Variants in KCNK12 observed in about 807,000 individuals in gnomAD.
KCNK12 encodes potassium two pore domain channel subfamily K member 12.
A neutral mutation model predicts 25.3 loss-of-function variants in KCNK12; 6 were observed. The observed-to-expected ratio is 0.24, with a 90% CI of 0.13 to 0.47. The LOEUF is 0.47. Ranked by LOEUF, KCNK12 falls within the 20% of genes least tolerant of loss-of-function variation. The pLI, the probability that KCNK12 is intolerant of heterozygous loss-of-function variation, is 0.99. For missense variants in KCNK12, 444 were observed against 661.7 expected (o/e 0.67, Z 3.61); for synonymous variants, 331 against 311.1 (o/e 1.06, Z -0.67).
chr2:47,569,922 CG>C lies in KCNK12; in HGVS notation c.391+18del. The C allele has an allele frequency of 1.5e-6, 2 of 1,352,496 alleles. No individual in the cohort carries two copies. Among genetic ancestry groups the C allele is most frequent in the Non-Finnish European group, 1.9e-6 (2 of 1,045,668 alleles). The allele number at this position is 1,352,496 out of a possible 1,614,324, so 83.8% of individuals were successfully genotyped here. On this transcript the variant is annotated intron_variant, in intron 1 of 1. Coordinates refer to ENST00000327876, the MANE Select transcript of KCNK12 (RefSeq NM_022055.2). The surrounding 1 kb of genome is among the most constrained non-coding windows in gnomAD (Gnocchi z 4.1). ...GAAAGGCACAGAGAGGAAAGATGCG[CG>C]GGGGACGCGCCGCTCACCTATGGTT...
At position 47,520,614 on chromosome 2, in the gene KCNK12, T is replaced by G. The variant is rs530697649; in HGVS notation, c.*293A>C. 2.0e-4 allele frequency: 61 copies of G among 310,036 alleles called. No individual in the cohort carries two copies. The highest frequency in any genetic ancestry group is 1.3e-3 in the African/African-American group (59 of 46,732). The allele number at this position is 310,036 out of a possible 1,614,324, so 19.2% of individuals were successfully genotyped here. A position where few individuals can be genotyped will look rare whatever the true frequency, so the allele number is the denominator to read the frequency against. On this transcript the variant is annotated 3_prime_UTR_variant, in exon 2 of 2. Transcript: ENST00000327876. This position sits in a 1 kb window ranked among gnomAD's most constrained non-coding sequence, Gnocchi z 5.0. ...TTAGTGCCAGTCTGCAAAACCCTCC[T>G]CGCTGCGGTATGCCCTGGGTGTGGG... is the stretch of plus-strand genomic sequence containing the variant.
chr2:47,558,201 C>T (rs893872772), intron 1 of KCNK12, among the ~76,000 whole-genome samples: 4 of 152,354 alleles, frequency 2.6e-5, no homozygotes, highest in African/African-American at 4.8e-5. Flanking sequence ...GAGGAGATAG[C>T]GTTCTCATCT....
intron 1 of KCNK12, among the ~76,000 whole-genome samples, chr2:47,550,319 TAAC>T (rs1272739241): frequency 4.0e-5 from 6 of 149,968 alleles, no homozygotes; most frequent in African/African-American, 1.5e-4. Flanking sequence ...AGAGAAATCT[TAAC>T]AGCAGCCAAA....
rs927483039 is a variant in KCNK12, at chr2:47,528,319, T to G, written c.392-6511A>C. On this transcript the variant is annotated intron_variant, in intron 1 of 1. Transcript: ENST00000327876. This position sits in a 1 kb window ranked among gnomAD's most constrained non-coding sequence, Gnocchi z 4.5. ...CCTACAGAGCACACTCAGCTCATCC[T>G]GGGAGACAAGGTGGGGGTGGAGGAT... 1 of 152,498 alleles carries G rather than the reference T, an allele frequency of 6.6e-6. No individual in the cohort carries two copies. Among genetic ancestry groups the G allele is most frequent in the African/African-American group, 2.4e-5 (1 of 41,476 alleles). The allele number at this position is 152,498 out of a possible 1,614,324, so 9.4% of individuals were successfully genotyped here. A position where few individuals can be genotyped will look rare whatever the true frequency, so the allele number is the denominator to read the frequency against.
rs1380108980 is a variant in KCNK12 at position 47,516,656 on chromosome 2, ATGTAT to A, written c.*4246_*4250del. 6.6e-6 allele frequency: 1 copy of A among 152,182 alleles called. No individual in the cohort carries two copies. The highest frequency in any genetic ancestry group is 1.5e-5 in the Non-Finnish European group (1 of 68,068). 9.4% of individuals were successfully genotyped at this position (152,182 alleles called of 1,614,324 possible). On this transcript the variant is annotated 3_prime_UTR_variant, in exon 2 of 2. Coordinates refer to ENST00000327876, the MANE Select transcript of KCNK12 (RefSeq NM_022055.2). ...CTTGGAATGCTGCTCAGAAAAATAGATGTATTGTTTGAGAAACCCTGCAGGCTTGT... is the reference window on the plus strand; with the variant it reads ...CTTGGAATGCTGCTCAGAAAAATAGATGTTTGAGAAACCCTGCAGGCTTGT...
Position 47,533,306 on chromosome 2 carries a change from C to T in KCNK12, c.392-11498G>A, listed in dbSNP as rs370045557. On this transcript the variant is annotated intron_variant, in intron 1 of 1. Coordinates refer to ENST00000327876, the MANE Select transcript of KCNK12 (RefSeq NM_022055.2). The surrounding 1 kb of genome is among the most constrained non-coding windows in gnomAD (Gnocchi z 4.7). ...GATTACATGAGTGCGCCACTGTGCC[C>T]GGCCCACTGCCCTACCTCTGAATGT... Among the ~76,000 whole-genome samples the T allele has an allele frequency of 1.3e-5, 2 of 152,116 alleles. No homozygotes were observed. Among genetic ancestry groups the T allele is most frequent in the Admixed American group, 6.5e-5 (1 of 15,272 alleles).
At chr2:47,552,449 C>T (rs998218699) in intron 1 of KCNK12, among the ~76,000 whole-genome samples, 2 of 152,154 alleles carry the variant, frequency 1.3e-5, no homozygotes, top group Admixed American at 1.3e-4. Context: ...GACATGCCCA[C>T]AAATCTCCAG....
chr2:47,537,035 G>A (rs1021876725), intron 1 of KCNK12, among the ~76,000 whole-genome samples: 17 of 152,136 alleles, frequency 1.1e-4, no homozygotes, highest in African/African-American at 3.4e-4. Context: ...GTCATAAGGC[G>A]GCCTTGCCTG....
At position 47,555,109 on chromosome 2, in the gene KCNK12, T is replaced by C. The variant is rs887120653; in HGVS notation, c.391+14832A>G. ...GGCTTTTAAAAGTTTTGATACATAT[T>C]GAATATCCATGTGGAGATGTCAAGT... On this transcript the variant is annotated intron_variant, in intron 1 of 1. Coordinates refer to ENST00000327876, the MANE Select transcript of KCNK12 (RefSeq NM_022055.2). The surrounding 1 kb of genome is among the most constrained non-coding windows in gnomAD (Gnocchi z 4.5). Among the ~76,000 whole-genome samples the C allele has an allele frequency of 2.6e-4, 40 of 152,228 alleles. No homozygotes were observed. Among genetic ancestry groups the C allele is most frequent in the Non-Finnish European group, 8.8e-5 (6 of 68,040 alleles).
chr2:47,535,156 C>T (rs1669038211), intron 1 of KCNK12: 1 of 231,874 alleles, frequency 4.3e-6, no homozygotes, highest in Admixed American at 5.6e-5. Flanking sequence ...AGAAGCCAGC[C>T]TGGTTGGCTG....
At chr2:47,541,408 A>G (rs1669195475) in intron 1 of KCNK12, among the ~76,000 whole-genome samples, 1 of 152,134 alleles carries the variant, frequency 6.6e-6, no homozygotes, top group Non-Finnish European at 1.5e-5. Flanking sequence ...CACACCAAAT[A>G]TATGAAATAT....
chr2:47,547,120 C>A lies in KCNK12; in HGVS notation c.391+22821G>T, dbSNP rs137994285. On this transcript the variant is annotated intron_variant, in intron 1 of 1. Transcript: ENST00000327876. This position sits in a 1 kb window ranked among gnomAD's most constrained non-coding sequence, Gnocchi z 5.0. ...TAAATGTGAGTGGACAGCCACAGTT[C>A]AGACATTTGAGGAAAGCCTGTAAGC... is the stretch of plus-strand genomic sequence containing the variant. 2.4e-3 allele frequency among the ~76,000 whole-genome samples: 372 copies of A among 152,322 alleles called. 1 individual carries two copies. The highest frequency in any genetic ancestry group is 8.2e-3 in the African/African-American group (340 of 41,572).
intron 1 of KCNK12, 73 bp from the exon 2 acceptor site, chr2:47,521,881 T>TGGGTGGGGGGGGG: frequency 4.7e-6 from 1 of 212,174 alleles, no homozygotes; most frequent in Non-Finnish European, 7.7e-6. Context: ...GTGGGGGGTG[T>TGGGTGGGGGGGGG]GGGGGCGGGG....
Position 47,530,000 on chromosome 2 carries a change from A to G in KCNK12, c.392-8192T>C, listed in dbSNP as rs1668883037. ...AACCCTACTCATGACTCCACTTGTC[A>G]GCTTGGTACACTCCTCTGAGAAGCT... On this transcript the variant is annotated intron_variant, in intron 1 of 1. Coordinates refer to ENST00000327876, the MANE Select transcript of KCNK12 (RefSeq NM_022055.2). This position sits in a 1 kb window ranked among gnomAD's most constrained non-coding sequence, Gnocchi z 4.3. Among the ~76,000 whole-genome samples the G allele has an allele frequency of 6.6e-6, 1 of 152,192 alleles. No homozygotes were observed. Among genetic ancestry groups the G allele is most frequent in the African/African-American group, 2.4e-5 (1 of 41,450 alleles).
chr2:47,554,486 T>C (rs2104861235), intron 1 of KCNK12, among the ~76,000 whole-genome samples: 1 of 152,264 alleles, frequency 6.6e-6, no homozygotes, highest in African/African-American at 2.4e-5. Context: ...CACAGAGCAG[T>C]GCGCCAGGCA....
In KCNK12 at chr2:47,562,631, G is replaced by T. The variant is rs966215999; in HGVS notation, c.391+7310C>A. ...AGGGTTTGGGGTAGAACTTCCTGGG[G>T]CCAGAGTCTCATAGCAGTGGTAGCC... is the stretch of plus-strand genomic sequence containing the variant. On this transcript the variant is annotated intron_variant, in intron 1 of 1. Transcript: ENST00000327876. This position sits in a 1 kb window ranked among gnomAD's most constrained non-coding sequence, Gnocchi z 4.8. The T allele has an allele frequency of 4.3e-6, 1 of 233,230 alleles. No homozygotes were observed. Among genetic ancestry groups the T allele is most frequent in the African/African-American group, 2.2e-5 (1 of 45,358 alleles). 14.4% of individuals were successfully genotyped at this position (233,230 alleles called of 1,614,324 possible).
rs1349730305 is a variant in KCNK12, at chr2:47,540,781, A to C, written c.392-18973T>G. Among the ~76,000 whole-genome samples the C allele has an allele frequency of 6.6e-6, 1 of 151,718 alleles. No individual in the cohort carries two copies. Among genetic ancestry groups the C allele is most frequent in the Non-Finnish European group, 1.5e-5 (1 of 67,940 alleles). On this transcript the variant is annotated intron_variant, in intron 1 of 1. Transcript: ENST00000327876. The surrounding 1 kb of genome is among the most constrained non-coding windows in gnomAD (Gnocchi z 5.4). ...TCCCTAGAAACAATTAAAAACAAAC[A>C]AACAAACAAACAAACAAAAGCAAGC...
rs988367982 is a variant in KCNK12, at chr2:47,513,523, G to T, written c.*7384C>A. On this transcript the variant is annotated 3_prime_UTR_variant, in exon 2 of 2. Coordinates refer to ENST00000327876, the MANE Select transcript of KCNK12 (RefSeq NM_022055.2). Reference sequence around the variant, plus strand: ...TTTTATCTCATTCTACACACTCACAGCCTGAGTAATTCACACCATCTTGAT... The same window carrying T: ...TTTTATCTCATTCTACACACTCACATCCTGAGTAATTCACACCATCTTGAT... Among the ~76,000 whole-genome samples the T allele has an allele frequency of 8.5e-5, 13 of 152,094 alleles. No individual in the cohort carries two copies. The highest frequency in any genetic ancestry group is 1.3e-4 in the Non-Finnish European group (9 of 68,036).
intron 1 of KCNK12, among the ~76,000 whole-genome samples, chr2:47,536,811 A>T (rs1011814385): frequency 6.6e-6 from 1 of 152,222 alleles, no homozygotes; most frequent in Non-Finnish European, 1.5e-5. Context: ...AAAGAGCGGA[A>T]GTACTTCTAT....
Sources: allele counts gnomAD v4.1 joint callset (sites outside exome capture counted in the v4.1 genomes callset), GRCh38; gene constraint gnomAD v4.1.1; non-coding constraint Gnocchi (gnomAD v3.1); transcripts MANE v1.5; gene names NCBI Gene and HGNC (gene_info 2026-07-23, HGNC 2026-07-21).